Variants in GTF3C1 observed in about 807,000 individuals in gnomAD.
GTF3C1 encodes the protein general transcription factor IIIC subunit 1.
In GTF3C1, 57 loss-of-function variants were observed where a neutral mutation model predicts 226.7. The observed-to-expected ratio is 0.25, with a 90% CI of 0.20 to 0.31. The LOEUF is 0.31. Among genes scored for constraint, GTF3C1 ranks in the 10% least tolerant of loss-of-function variants. GTF3C1 has a pLI of 1.00. For missense variants in GTF3C1, 2,217 were observed against 2,776.1 expected (o/e 0.80, Z 4.53); for synonymous variants, 1,090 against 1,084.8 (o/e 1.00, Z -0.09).
At chr16:27,482,531 A>G (rs2088070097) in intron 26 of GTF3C1, 1 of 456,022 alleles carries the variant, frequency 2.2e-6, no homozygotes, top group East Asian at 7.0e-5. Flanking sequence ...CTTGGCGGAA[A>G]AGGTAGCCTC....
chr16:27,463,806 G>A lies in GTF3C1; in HGVS notation c.5873-214C>T, dbSNP rs552093022. On this transcript the variant is annotated intron_variant, in intron 34 of 36. Coordinates refer to ENST00000356183, the MANE Select transcript of GTF3C1 (RefSeq NM_001520.4). This position sits in a 1 kb window ranked among gnomAD's most constrained non-coding sequence, Gnocchi z 4.9. ...CCGCACACAGCGCCACATGCAAGCA[G>A]CGTCCCAGGCCCGGACAAGCCCCAC... The A allele has an allele frequency of 2.1e-5, 12 of 583,610 alleles. No homozygotes were observed. The South Asian group carries it at 2.6e-4, about 12-fold the overall frequency. The allele number at this position is 583,610 out of a possible 1,614,324, so 36.2% of individuals were successfully genotyped here.
intron 6 of GTF3C1, among the ~76,000 whole-genome samples, chr16:27,512,760 A>G (rs778080872): frequency 8.5e-5 from 13 of 152,256 alleles, no homozygotes; most frequent in Non-Finnish European, 1.5e-4. Flanking sequence ...ACAAGGAAAA[A>G]TGGGGACTTC....
In GTF3C1 at chr16:27,471,980, G is replaced by C; in HGVS notation, c.4354-60C>G. ...TCCAGCCGGCCACGGAGAGGGCTGG[G>C]GTATGTGGAGGCAGAGGCTGCGGCT... On this transcript the variant is annotated intron_variant, in intron 29 of 36. Coordinates refer to ENST00000356183, the MANE Select transcript of GTF3C1 (RefSeq NM_001520.4). This position sits in a 1 kb window ranked among gnomAD's most constrained non-coding sequence, Gnocchi z 5.0. The C allele has an allele frequency of 6.9e-7, 1 of 1,455,940 alleles. No individual in the cohort carries two copies. The highest frequency in any genetic ancestry group is 9.6e-7 in the Non-Finnish European group (1 of 1,040,792). The allele number at this position is 1,455,940 out of a possible 1,614,324, so 90.2% of individuals were successfully genotyped here. A position where few individuals can be genotyped will look rare whatever the true frequency, so the allele number is the denominator to read the frequency against.
chr16:27,545,415 G>C lies in GTF3C1; in HGVS notation c.330C>G (p.Ile110Met), dbSNP rs201749607. ...CCTTAAAGTAGCGGCATGAGCCCTG[G>C]ATGCCATCCTTATTCTCTAAGATCA... ...IHMILENKDG[I>M]QGSCRYFKER... Residue 110 changes from isoleucine (I) to methionine (M), a missense_variant, in exon 2 of 37, where the codon ATC becomes ATG. Transcript: ENST00000356183. The C allele has an allele frequency of 2.4e-5, 38 of 1,612,142 alleles. No individual in the cohort carries two copies. In the Admixed American group the frequency reaches 3.7e-4, roughly 16 times the overall value.
chr16:27,461,366 T>G lies in GTF3C1; in HGVS notation c.6314A>C (p.Lys2105Thr). 6.2e-7 allele frequency: 1 copy of G among 1,610,762 alleles called. No homozygotes were observed. Among genetic ancestry groups the G allele is most frequent in the Non-Finnish European group, 8.5e-7 (1 of 1,177,464 alleles). Residue 2105 changes from lysine to threonine, a missense_variant, in exon 37 of 37, where the codon AAG becomes ACG. Transcript: ENST00000356183. This position sits in a 1 kb window ranked among gnomAD's most constrained non-coding sequence, Gnocchi z 5.3. ...ACAGGGGTCCTAGAGGTGGATCCAC[T>G]TGTTCCAGTTGACCTCGTGGGGGAA... ...RVFPHEVNWN[K>T]WIHL
At chr16:27,483,263 C>T in intron 25 of GTF3C1, 138 bp from the exon 26 acceptor site, 1 of 800,750 alleles carries the variant, frequency 1.2e-6, no homozygotes, top group South Asian at 1.5e-5. Flanking sequence ...TGTTGCACAA[C>T]TGCAGCTTTT....
In GTF3C1 at chr16:27,538,354, C is replaced by A. The variant is rs1161311473; in HGVS notation, c.434G>T (p.Trp145Leu). Residue 145 changes from tryptophan (W) to leucine (L), a missense_variant and splice_region_variant, in exon 3 of 37, where the codon TGG becomes TTG. Physicochemically the swap from Trp to Leu is moderately conservative, Grantham distance 61. Transcript: ENST00000356183. ...GGCAACGATGATCAGTTTCTTCCCC[C>A]ACCTGCAAATCGGAAACAATCGCAT... ...RCTMVEAFDR[W>L]GKKLIIVASQ... 3 of 1,519,580 alleles carry A rather than the reference C, an allele frequency of 2.0e-6. No individual in the cohort carries two copies. The highest frequency in any genetic ancestry group is 2.5e-5 in the South Asian group (2 of 80,784). 94.1% of individuals were successfully genotyped at this position (1,519,580 alleles called of 1,614,324 possible).
chr16:27,523,301 A>G (rs549700559), intron 6 of GTF3C1, among the ~76,000 whole-genome samples: 1 of 152,304 alleles, frequency 6.6e-6, no homozygotes, highest in Non-Finnish European at 1.5e-5. Flanking sequence ...TTTTTGCAAA[A>G]CAGATCACTG....
chr16:27,487,306 T>C (rs1285431053), intron 23 of GTF3C1, among the ~76,000 whole-genome samples: 1 of 152,190 alleles, frequency 6.6e-6, no homozygotes, highest in Non-Finnish European at 1.5e-5. Context: ...GTTTAAACAT[T>C]CTGTCTTTAA....
At chr16:27,527,879 C>T (rs1457203196) in intron 6 of GTF3C1, among the ~76,000 whole-genome samples, 2 of 151,040 alleles carry the variant, frequency 1.3e-5, no homozygotes, top group Non-Finnish European at 2.9e-5. Context: ...GAGGCTGAGG[C>T]GGGAGGATCG....
At chr16:27,526,771 A>G (rs1477248726) in intron 6 of GTF3C1, among the ~76,000 whole-genome samples, 4 of 152,160 alleles carry the variant, frequency 2.6e-5, no homozygotes, top group Non-Finnish European at 4.4e-5. Flanking sequence ...ATCCCTTTTC[A>G]TCACTATGGT....
rs1405239294 is a variant in GTF3C1 at position 27,528,583 on chromosome 16, G to C, written c.973+15C>G. 2 of 1,606,272 alleles carry C rather than the reference G, an allele frequency of 1.2e-6. No individual in the cohort carries two copies. The highest frequency in any genetic ancestry group is 1.1e-5 in the South Asian group (1 of 90,866). On this transcript the variant is annotated intron_variant, in intron 6 of 36. Coordinates refer to ENST00000356183, the MANE Select transcript of GTF3C1 (RefSeq NM_001520.4). Reference sequence around the variant, plus strand: ...CCAGCCAGCCAAGGGAACAGAAGCTGAGACTCTGCATTACCTTTCTTTGTC... The same window carrying C: ...CCAGCCAGCCAAGGGAACAGAAGCTCAGACTCTGCATTACCTTTCTTTGTC...
intron 26 of GTF3C1, among the ~76,000 whole-genome samples, chr16:27,481,434 CCCA>C (rs374341571): frequency 8.5e-5 from 13 of 152,168 alleles, no homozygotes; most frequent in African/African-American, 3.1e-4. Context: ...TGCCAACTAA[CCCA>C]CCGACAGCCT....
Position 27,483,078 on chromosome 16 carries a change from A to G in GTF3C1, c.4049T>C (p.Phe1350Ser), listed in dbSNP as rs150106283. ...VYQDKALVGD[F>S]MNRRGDYDDP... ...ATCATAGTCACCTCTTCGATTCATG[A>G]AATCTCCAACAAGTGCTTTATCCTG... The change falls in exon 26 of 37, where the codon TTC becomes TCC. Residue 1350 changes from phenylalanine to serine, a missense_variant. This residue lies in a region of GTF3C1 where 546 missense variants were observed against 663.0 expected (regional missense o/e 0.82). Coordinates refer to ENST00000356183, the MANE Select transcript of GTF3C1 (RefSeq NM_001520.4). 3 of 1,614,068 alleles carry G rather than the reference A, an allele frequency of 1.9e-6. No individual in the cohort carries two copies. The African/African-American group carries it at 4.0e-5, about 22-fold the overall frequency.
chr16:27,507,329 A>C lies in GTF3C1; in HGVS notation c.1243-173T>G, dbSNP rs1258290991. 6.6e-6 allele frequency among the ~76,000 whole-genome samples: 1 copy of C among 151,950 alleles called. No homozygotes were observed. The highest frequency in any genetic ancestry group is 1.5e-5 in the Non-Finnish European group (1 of 67,988). On this transcript the variant is annotated intron_variant, in intron 8 of 36. Coordinates refer to ENST00000356183, the MANE Select transcript of GTF3C1 (RefSeq NM_001520.4). The surrounding 1 kb of genome is among the most constrained non-coding windows in gnomAD (Gnocchi z 4.9). ...CTCCCTCCAGGCTCTTCCTCTCTGT[A>C]ATCCCCCAGGTCTTCCTTCCACAGA...
chr16:27,470,609 G>C lies in GTF3C1; in HGVS notation c.4527-214C>G. 2 of 560,796 alleles carry C rather than the reference G, an allele frequency of 3.6e-6. No individual in the cohort carries two copies. The highest frequency in any genetic ancestry group is 6.1e-5 in the East Asian group (2 of 32,978). The allele number at this position is 560,796 out of a possible 1,614,324, so 34.7% of individuals were successfully genotyped here. On this transcript the variant is annotated intron_variant, in intron 30 of 36. Transcript: ENST00000356183. This position sits in a 1 kb window ranked among gnomAD's most constrained non-coding sequence, Gnocchi z 4.9. The stretch of plus-strand genomic sequence containing the variant: ...TTCCCCGCTTGCCTGAGTACCTTCC[G>C]GGCAGAGTCCTGTCTCCTCATCTAA...
intron 6 of GTF3C1, among the ~76,000 whole-genome samples, chr16:27,518,984 T>C (rs939878152): frequency 1.3e-5 from 2 of 152,212 alleles, no homozygotes; most frequent in African/African-American, 2.4e-5. Flanking sequence ...ACTAGCAGAC[T>C]AGCAGGGCCA....
intron 32 of GTF3C1, among the ~76,000 whole-genome samples, chr16:27,467,908 T>C (rs35913539): frequency 0.11 from 17,116 of 152,016 alleles, 1,239 homozygotes; most frequent in Middle Eastern, 0.22. Context: ...CGTAAAGCTA[T>C]AGCTATTATA....
At chr16:27,541,986 GA>G (rs1047391180) in intron 2 of GTF3C1, among the ~76,000 whole-genome samples, 3 of 152,156 alleles carry the variant, frequency 2.0e-5, no homozygotes, top group Non-Finnish European at 4.4e-5. Context: ...AGAAAAGCTA[GA>G]AATCCAGGTT....
Sources: allele counts gnomAD v4.1 joint callset (sites outside exome capture counted in the v4.1 genomes callset), GRCh38; gene constraint gnomAD v4.1.1; regional missense constraint gnomAD v4.1.1; non-coding constraint Gnocchi (gnomAD v3.1); transcripts MANE v1.5; gene names NCBI Gene and HGNC (gene_info 2026-07-23, HGNC 2026-07-21).